SH3RF3: variants seen among roughly 807,000 people sequenced by gnomAD.
SH3RF3 encodes E3 ubiquitin-protein ligase SH3RF3.
Under a neutral mutation model 66.3 loss-of-function variants are expected in SH3RF3, and 29 were observed. The observed-to-expected ratio is 0.44, with a 90% confidence interval of 0.33 to 0.60. The LOEUF (loss-of-function observed/expected upper bound fraction) is 0.60, where lower values mean the gene tolerates loss of function less well. SH3RF3 is among the 20% of genes least tolerant of loss of function. SH3RF3 has a pLI of 0.04. For missense variants in SH3RF3, 1,194 were observed against 1,190.9 expected (o/e 1.00, Z -0.04); for synonymous variants, 583 against 532.0 (o/e 1.10, Z -1.32).
rs1182792339 is a variant in SH3RF3, at chr2:109,321,463, TA to T, written c.574-26207del. ...TTTGATTATCAGCTTATAGTATTTT[TA>T]AAATTAGATTATGCTTTGTTTCCAT... On this transcript the variant is annotated intron_variant, in intron 1 of 9. Coordinates refer to ENST00000309415, the MANE Select transcript of SH3RF3 (RefSeq NM_001099289.3). Among the ~76,000 whole-genome samples, 3 of 152,270 alleles carry T rather than the reference TA, an allele frequency of 2.0e-5. No homozygotes were observed. In the East Asian group the frequency reaches 5.8e-4, roughly 29 times the overall value.
intron 1 of SH3RF3, chr2:109,251,338 G>A (rs1161150965): frequency 1.9e-6 from 1 of 515,354 alleles, no homozygotes; most frequent in Non-Finnish European, 3.6e-6. Flanking sequence ...TTAGAGAGAT[G>A]CAAGACACCC....
intron 5 of SH3RF3, 100 bp downstream of exon 5, chr2:109,419,742 T>C: frequency 8.9e-7 from 1 of 1,126,966 alleles, no homozygotes; most frequent in Non-Finnish European, 1.3e-6. Context: ...TTTTCCCATG[T>C]GTTACTAGTT....
At chr2:109,439,907 G>A (rs761081781) in intron 7 of SH3RF3, among the ~76,000 whole-genome samples, 10 of 152,210 alleles carry the variant, frequency 6.6e-5, no homozygotes, top group Non-Finnish European at 1.2e-4. Flanking sequence ...TATTAAGAGA[G>A]TGTGGAGGAG....
intron 8 of SH3RF3, among the ~76,000 whole-genome samples, chr2:109,465,163 T>C (rs1175497063): frequency 6.6e-6 from 1 of 152,268 alleles, no homozygotes; most frequent in Non-Finnish European, 1.5e-5. Flanking sequence ...TCAGTTCTTT[T>C]TAGCACTGAA....
rs533540877 is a variant in SH3RF3 at position 109,344,040 on chromosome 2, G to A, written c.574-3634G>A. 1.6e-4 allele frequency among the ~76,000 whole-genome samples: 25 copies of A among 152,190 alleles called. No individual in the cohort carries two copies. In the South Asian group the frequency reaches 3.5e-3, roughly 21 times the overall value. ...ATAATAGGCGTGAGCCACCATACCC[G>A]TCCCCAGATCCTTCTTTTGTAACTT... On this transcript the variant is annotated intron_variant, in intron 1 of 9. Transcript: ENST00000309415.
intron 1 of SH3RF3, among the ~76,000 whole-genome samples, chr2:109,265,234 A>G (rs13394394): frequency 0.039 from 5,869 of 152,226 alleles, 373 homozygotes; most frequent in African/African-American, 0.13. Context: ...CATTAGGATT[A>G]AAGGGCCAAG....
intron 1 of SH3RF3, among the ~76,000 whole-genome samples, chr2:109,238,200 T>TA (rs796481997): frequency 1.5e-4 from 22 of 151,280 alleles, no homozygotes; most frequent in Admixed American, 2.6e-4. Flanking sequence ...GCCTGTCTCT[T>TA]AAAAAAAAAT....
chr2:109,333,578 G>A (rs998148150), intron 1 of SH3RF3, among the ~76,000 whole-genome samples: 25 of 152,186 alleles, frequency 1.6e-4, no homozygotes, highest in Non-Finnish European at 1.8e-4. Flanking sequence ...AATCTCTGGA[G>A]CTCTGGCTGC....
intron 8 of SH3RF3, among the ~76,000 whole-genome samples, chr2:109,489,019 G>C (rs148661642): frequency 6.6e-6 from 1 of 152,338 alleles, no homozygotes; most frequent in African/African-American, 2.4e-5. Flanking sequence ...AGCAGGAACA[G>C]CTGACCTCCA....
At chr2:109,333,200 T>C (rs928133566) in intron 1 of SH3RF3, among the ~76,000 whole-genome samples, 5 of 152,230 alleles carry the variant, frequency 3.3e-5, no homozygotes, top group African/African-American at 4.8e-5. Flanking sequence ...ATGATGGACT[T>C]ACCTGTATCT....
At chr2:109,327,320 A>C (rs1011070284) in intron 1 of SH3RF3, among the ~76,000 whole-genome samples, 1 of 152,232 alleles carries the variant, frequency 6.6e-6, no homozygotes, top group African/African-American at 2.4e-5. Context: ...GCCGCTGGTA[A>C]ATCACATCAT....
intron 1 of SH3RF3, among the ~76,000 whole-genome samples, chr2:109,346,640 C>A (rs926660020): frequency 2.0e-5 from 3 of 152,064 alleles, no homozygotes; most frequent in Non-Finnish European, 4.4e-5. Flanking sequence ...GAGACAGGGC[C>A]AGTTAGAGAA....
At chr2:109,352,485 A>C (rs1199473124) in intron 2 of SH3RF3, among the ~76,000 whole-genome samples, 1 of 152,180 alleles carries the variant, frequency 6.6e-6, no homozygotes, top group East Asian at 1.9e-4. Flanking sequence ...CCAAATTTGC[A>C]GTGTCGTCTC....
chr2:109,288,495 C>G (rs1242216929), intron 1 of SH3RF3, among the ~76,000 whole-genome samples: 1 of 152,162 alleles, frequency 6.6e-6, no homozygotes, highest in Non-Finnish European at 1.5e-5. Flanking sequence ...ATTATTTCCT[C>G]CCAAAATAGA....
chr2:109,169,689 G>C (rs763392487), intron 1 of SH3RF3, among the ~76,000 whole-genome samples: 1 of 151,656 alleles, frequency 6.6e-6, no homozygotes, highest in Admixed American at 6.6e-5. Flanking sequence ...TCATTGTTTG[G>C]CTATATCTCT....
intron 3 of SH3RF3, among the ~76,000 whole-genome samples, chr2:109,391,753 C>T (rs1244848635): frequency 6.6e-6 from 1 of 152,188 alleles, no homozygotes; most frequent in Non-Finnish European, 1.5e-5. Context: ...GGCCACCAAC[C>T]CTTGGTAACT....
chr2:109,438,715 G>C (rs1225524951), intron 7 of SH3RF3, among the ~76,000 whole-genome samples: 2 of 152,190 alleles, frequency 1.3e-5, no homozygotes, highest in Admixed American at 1.3e-4. Flanking sequence ...GTGGATCTGT[G>C]TTTTCTGGTA....
chr2:109,311,568 C>T (rs149544819), intron 1 of SH3RF3, among the ~76,000 whole-genome samples: 4,499 of 152,130 alleles, frequency 0.03, 247 homozygotes, highest in African/African-American at 0.1. Context: ...TGTTTGCAGA[C>T]GACATGATTG....
chr2:109,295,926 C>T (rs1681295871), intron 1 of SH3RF3, among the ~76,000 whole-genome samples: 1 of 152,164 alleles, frequency 6.6e-6, no homozygotes, highest in African/African-American at 2.4e-5. Context: ...CAGCCTCCTG[C>T]CTGTGCCGAC....
Sources: allele counts gnomAD v4.1 joint callset (sites outside exome capture counted in the v4.1 genomes callset), GRCh38; gene constraint gnomAD v4.1.1; transcripts MANE v1.5; gene names NCBI Gene and HGNC (gene_info 2026-07-23, HGNC 2026-07-21).